The following SEMA4D variants were observed in gnomAD, a reference collection of about 807,000 sequenced individuals.
SEMA4D encodes the protein semaphorin-4D.
In SEMA4D, 22 loss-of-function variants were observed where a neutral mutation model predicts 74.8. That is an observed-to-expected ratio of 0.29 (90% confidence interval 0.21 to 0.42). The LOEUF (loss-of-function observed/expected upper bound fraction) is 0.42, where lower values mean the gene tolerates loss of function less well. Among genes scored for constraint, SEMA4D ranks in the 10% least tolerant of loss-of-function variants. SEMA4D has a pLI of 1.00. For synonymous variants in SEMA4D, 445 were observed against 463.7 expected, an observed-to-expected ratio of 0.96 and a Z score of 0.52; for missense variants, 937 against 1,118.4, an observed-to-expected ratio of 0.84 and a Z score of 2.31.
At chr9:89,496,006 C>T (rs941979337) in intron 1 of SEMA4D, among the ~76,000 whole-genome samples, 20 of 152,224 alleles carry the variant, frequency 1.3e-4, no homozygotes, top group African/African-American at 4.1e-4. Flanking sequence ...TAGACACACC[C>T]GCTTGGTGTG....
intron 1 of SEMA4D, among the ~76,000 whole-genome samples, chr9:89,497,216 C>A (rs1372875229): frequency 6.6e-6 from 1 of 152,250 alleles, no homozygotes; most frequent in Admixed American, 6.5e-5. Flanking sequence ...CAGCCCCTTG[C>A]AGCTCACTAG....
chr9:89,438,769 C>T (rs1017503126), intron 2 of SEMA4D, among the ~76,000 whole-genome samples: 1 of 150,250 alleles, frequency 6.7e-6, no homozygotes, highest in Admixed American at 6.6e-5. Flanking sequence ...AGGTTCACGC[C>T]ATTCTCCTGC....
At chr9:89,490,411 T>C (rs752826210) in intron 1 of SEMA4D, among the ~76,000 whole-genome samples, 7 of 152,340 alleles carry the variant, frequency 4.6e-5, no homozygotes, top group Non-Finnish European at 8.8e-5. Context: ...TCATTTATGA[T>C]TTTTTGGCTT....
chr9:89,488,201 T>C (rs4304417), intron 1 of SEMA4D, among the ~76,000 whole-genome samples: 136,148 of 152,210 alleles, frequency 0.89, 61,131 homozygotes, highest in Non-Finnish European at 0.93. Flanking sequence ...AAACATGGTA[T>C]CAACATAATT....
At chr9:89,379,951 G>A (rs542873729) in intron 15 of SEMA4D, among the ~76,000 whole-genome samples, 1 of 152,376 alleles carries the variant, frequency 6.6e-6, no homozygotes, top group African/African-American at 2.4e-5. Flanking sequence ...CTTTGAATCA[G>A]ACACGAGACG....
chr9:89,363,249 G>T (rs1833001056), intron 18 of SEMA4D, among the ~76,000 whole-genome samples: 1 of 149,762 alleles, frequency 6.7e-6, no homozygotes, highest in South Asian at 2.2e-4. Flanking sequence ...TGCAGTCTCA[G>T]CAACAAGACG....
At chr9:89,371,801 GT>G (rs2132473596) in intron 16 of SEMA4D, among the ~76,000 whole-genome samples, 1 of 62,384 alleles carries the variant, frequency 1.6e-5, no homozygotes, top group African/African-American at 7.2e-5. Flanking sequence ...TTTGGGGTGT[GT>G]GTGTGGGGGG....
intron 2 of SEMA4D, chr9:89,418,068 C>A: frequency 1.0e-6 from 1 of 984,348 alleles, no homozygotes; most frequent in Non-Finnish European, 1.2e-6. Context: ...GTATCTTATG[C>A]CTCTTGAAAC....
chr9:89,375,976 G>A (rs111505692), downstream of SEMA4D, among the ~76,000 whole-genome samples: 1 of 152,166 alleles, frequency 6.6e-6, no homozygotes, highest in Non-Finnish European at 1.5e-5. Context: ...CAATCCTCAA[G>A]GCACGTGCCA....
intron 2 of SEMA4D, among the ~76,000 whole-genome samples, chr9:89,408,740 C>T (rs1017381016): frequency 6.6e-6 from 1 of 152,212 alleles, no homozygotes; most frequent in African/African-American, 2.4e-5. Flanking sequence ...AGCAAGGACA[C>T]CAGTGGCCTG....
At chr9:89,387,886 T>C (rs1476402901) in intron 11 of SEMA4D, among the ~76,000 whole-genome samples, 2 of 152,244 alleles carry the variant, frequency 1.3e-5, no homozygotes, top group Admixed American at 1.3e-4. Flanking sequence ...GAAAAACACT[T>C]ATTGAGCTTT....
At chr9:89,423,724 C>T (rs1847468073) in intron 2 of SEMA4D, among the ~76,000 whole-genome samples, 1 of 151,692 alleles carries the variant, frequency 6.6e-6, no homozygotes, top group Admixed American at 6.6e-5. Context: ...TCTGCTACTC[C>T]CTCAGTACTT....
intron 2 of SEMA4D, among the ~76,000 whole-genome samples, chr9:89,409,264 G>A (rs971503887): frequency 6.6e-6 from 1 of 152,224 alleles, no homozygotes; most frequent in Admixed American, 6.5e-5. Flanking sequence ...GTGGTTCCCA[G>A]GGGCTGGGGA....
chr9:89,467,940 G>A (rs1455942347), intron 1 of SEMA4D, among the ~76,000 whole-genome samples: 1 of 152,212 alleles, frequency 6.6e-6, no homozygotes, highest in Non-Finnish European at 1.5e-5. Flanking sequence ...CCAGCCCCAA[G>A]GGCTCTCCCA....
chr9:89,400,156 A>C (rs1440800145), intron 4 of SEMA4D, among the ~76,000 whole-genome samples: 1 of 152,138 alleles, frequency 6.6e-6, no homozygotes, highest in Non-Finnish European at 1.5e-5. Flanking sequence ...TAACACCACC[A>C]GCTCAGCTCA....
At chr9:89,480,427 G>GC (rs1373525824) in intron 1 of SEMA4D, among the ~76,000 whole-genome samples, 1 of 152,386 alleles carries the variant, frequency 6.6e-6, no homozygotes, top group East Asian at 1.9e-4. Context: ...GCATTCCTCA[G>GC]CCCTTGGGTG....
intron 2 of SEMA4D, among the ~76,000 whole-genome samples, chr9:89,414,161 A>C (rs546133172): frequency 1.3e-5 from 2 of 152,318 alleles, no homozygotes; most frequent in South Asian, 4.1e-4. Context: ...TTCTGCCAGC[A>C]ACAGGATGCA....
chr9:89,433,063 G>C (rs925308208), intron 2 of SEMA4D, among the ~76,000 whole-genome samples: 1 of 152,232 alleles, frequency 6.6e-6, no homozygotes, highest in African/African-American at 2.4e-5. Context: ...CAATGGTTGG[G>C]AACGTGGCAG....
At chr9:89,438,724 G>A (rs1851003739) in intron 2 of SEMA4D, among the ~76,000 whole-genome samples, 1 of 151,760 alleles carries the variant, frequency 6.6e-6, no homozygotes, top group Non-Finnish European at 1.5e-5. Flanking sequence ...GGAATGCAGT[G>A]GCGCAATCTC....
Sources: gnomAD v4.1 joint callset for allele counts (sites outside exome capture counted in the v4.1 genomes callset) on GRCh38, gnomAD v4.1.1 for gene constraint, MANE v1.5 for transcripts, NCBI Gene and HGNC (gene_info 2026-07-23, HGNC 2026-07-21) for gene names.